MGA: variants seen among roughly 807,000 people sequenced by gnomAD.
The protein encoded by MGA is MAX gene-associated protein.
In MGA, 40 loss-of-function variants were observed where a neutral mutation model predicts 261.1. The observed-to-expected ratio is 0.15, with a 90% CI of 0.12 to 0.20. The LOEUF (loss-of-function observed/expected upper bound fraction) is 0.20, where lower values mean the gene tolerates loss of function less well. Among genes scored for constraint, MGA ranks in the 10% least tolerant of loss-of-function variants. MGA has a pLI of 1.00. For missense variants in MGA, 3,397 were observed against 3,630.5 expected (o/e 0.94, Z 1.65); for synonymous variants, 1,302 against 1,290.6 (o/e 1.01, Z -0.19).
rs377359568 is a variant in MGA at position 41,711,266 on chromosome 15, T to C, written c.3001T>C (p.Cys1001Arg). Residue 1001 changes from cysteine (C) to arginine (R), a missense_variant, in exon 8 of 24, where the codon TGT becomes CGT. Cys to Arg is a radical substitution (Grantham distance 180). This residue lies in a region of MGA where 519 missense variants were observed against 554.1 expected (regional missense o/e 0.94). Coordinates refer to ENST00000219905, the MANE Select transcript of MGA (RefSeq NM_001164273.2). ...GGTGAAGCTAATGGACCTGGAAGAC[T>C]GTGCACTTTGGGAAGGAAAACCAAG... The C allele has an allele frequency of 6.2e-7, 1 of 1,614,000 alleles. No homozygotes were observed. The highest frequency in any genetic ancestry group is 1.3e-5 in the African/African-American group (1 of 75,044).
At position 41,763,822 on chromosome 15, in the gene MGA, G is replaced by A. The variant is rs537888948; in HGVS notation, c.7745-1064G>A. 1.1e-4 allele frequency among the ~76,000 whole-genome samples: 17 copies of A among 152,266 alleles called. No individual in the cohort carries two copies. The East Asian group carries it at 2.9e-3, about 26-fold the overall frequency. On this transcript the variant is annotated intron_variant, in intron 22 of 23. Transcript: ENST00000219905. ...TCTTATTACCATCTTGATTTTGGAA[G>A]TAAAGTTATATTGATTTTATGTGTT...
intron 1 of MGA, among the ~76,000 whole-genome samples, chr15:41,653,458 C>A (rs2057108244): frequency 6.6e-6 from 1 of 151,554 alleles, no homozygotes. Context: ...GGTTAGATCA[C>A]AGCTAACAAT....
intron 1 of MGA, among the ~76,000 whole-genome samples, chr15:41,636,459 A>AT (rs1017999541): frequency 3.2e-3 from 284 of 87,402 alleles, no homozygotes; most frequent in Middle Eastern, 0.021. Flanking sequence ...TGCTTGGCTA[A>AT]TTTTTTTTTT....
At chr15:41,696,004 T>C in intron 2 of MGA, 71 bp from the exon 3 acceptor site, 1 of 1,140,802 alleles carries the variant, frequency 8.8e-7, no homozygotes, top group Non-Finnish European at 1.2e-6. Context: ...ATCTTTTTTT[T>C]TTTTTCTCTT....
At chr15:41,625,387 A>G (rs17733613) in intron 1 of MGA, among the ~76,000 whole-genome samples, 44,389 of 150,976 alleles carry the variant, frequency 0.29, 7,451 homozygotes, top group Admixed American at 0.38. Context: ...AAATTGTGAG[A>G]AAAAAAAAAT....
At position 41,696,987 on chromosome 15, in the gene MGA, T is replaced by A; in HGVS notation, c.1977T>A (p.Asp659Glu). 5 of 1,585,384 alleles carry A rather than the reference T, an allele frequency of 3.2e-6. No homozygotes were observed. The highest frequency in any genetic ancestry group is 4.3e-6 in the Non-Finnish European group (5 of 1,167,592). The change falls in exon 3 of 24, where the codon GAT becomes GAA. Residue 659 changes from aspartate (D) to glutamate (E), a missense_variant. By Grantham distance (45) the Asp-to-Glu change is conservative. Around this residue, in one of 9 missense-constraint regions of MGA, gnomAD observed 563 missense variants for 563.6 expected, o/e 1.00. Transcript: ENST00000219905. ...CAGATGTGAAGCCTGATCTGGAAGATGTGGATGGTGTTCTCTTTGTTTCCT... is the reference window on the plus strand; with the variant it reads ...CAGATGTGAAGCCTGATCTGGAAGAAGTGGATGGTGTTCTCTTTGTTTCCT...
chr15:41,736,342 A>G lies in MGA; in HGVS notation c.4078A>G (p.Asn1360Asp). Residue 1360 changes from asparagine to aspartate, a missense_variant, in exon 13 of 24, where the codon AAT becomes GAT. Asn to Asp is a conservative substitution (Grantham distance 23, BLOSUM62 1). Coordinates refer to ENST00000219905, the MANE Select transcript of MGA (RefSeq NM_001164273.2). ...TTTGAGCATCTTATCCCAGCACATC[A>G]ATAGCAACATGCCACAATCACTTAA... is the stretch of plus-strand genomic sequence containing the variant. 6.2e-7 allele frequency: 1 copy of G among 1,614,018 alleles called. No homozygotes were observed. Among genetic ancestry groups the G allele is most frequent in the Non-Finnish European group, 8.5e-7 (1 of 1,179,904 alleles).
chr15:41,679,124 C>T (rs1200233614), intron 2 of MGA, among the ~76,000 whole-genome samples: 1 of 150,570 alleles, frequency 6.6e-6, no homozygotes, highest in African/African-American at 2.4e-5. Flanking sequence ...CAACCTCCGC[C>T]TCCTGTGTTT....
In MGA at chr15:41,637,195, G is replaced by A. The variant is rs567224750; in HGVS notation, c.-68+15897G>A. Among the ~76,000 whole-genome samples, 9 of 152,288 alleles carry A rather than the reference G, an allele frequency of 5.9e-5. No homozygotes were observed. In the South Asian group the frequency reaches 1.7e-3, roughly 28 times the overall value. On this transcript the variant is annotated intron_variant, in intron 1 of 8. Coordinates refer to the MGA transcript ENST00000566718. ...ATGATAAGAGTGAGTATTGTTTTGGGCATAGTGGAAAGATTTGGGCAGTGA... is the reference window on the plus strand; with the variant it reads ...ATGATAAGAGTGAGTATTGTTTTGGACATAGTGGAAAGATTTGGGCAGTGA...
intron 22 of MGA, 100 bp downstream of exon 22, chr15:41,762,462 T>TTG (rs2063526823): frequency 6.1e-5 from 4 of 66,054 alleles, no homozygotes; most frequent in Admixed American, 5.2e-4. Context: ...TTTTGTGTGG[T>TTG]TTTTTTTTTT....
rs769068500 is a variant in MGA at position 41,742,723 on chromosome 15, A to G, written c.4763A>G (p.Gln1588Arg). ...CCTGTGGTTTCTTCTGAGCCAGTTC[A>G]GGTGTGCAGCCCTGTGACTGCTGCT... Residue 1588 changes from glutamine to arginine, a missense_variant, in exon 15 of 24, where the codon CAG (glutamine) becomes CGG (arginine). Physicochemically the swap from Gln to Arg is conservative, Grantham distance 43. Coordinates refer to ENST00000219905, the MANE Select transcript of MGA (RefSeq NM_001164273.2). The G allele has an allele frequency of 2.4e-5, 39 of 1,613,908 alleles. No homozygotes were observed. Among genetic ancestry groups the G allele is most frequent in the South Asian group, 1.6e-4 (15 of 91,088 alleles).
chr15:41,698,838 A>ATTT, intron 3 of MGA, 25 bp from the exon 4 acceptor site: 109 of 1,332,666 alleles, frequency 8.2e-5, no homozygotes, highest in South Asian at 2.4e-4. Context: ...ATGAACTACT[A>ATTT]TTTTTTTTTT....
chr15:41,737,066 A>G (rs2061820077), intron 13 of MGA, among the ~76,000 whole-genome samples: 1 of 152,234 alleles, frequency 6.6e-6, no homozygotes, highest in Non-Finnish European at 1.5e-5. Flanking sequence ...AGGTTTCAAA[A>G]CAAAACCATG....
chr15:41,664,326 A>G (rs1240584502), intron 1 of MGA, among the ~76,000 whole-genome samples: 2 of 152,254 alleles, frequency 1.3e-5, no homozygotes, highest in South Asian at 2.1e-4. Flanking sequence ...ATTTACTTCA[A>G]GTGCAGTCTG....
intron 2 of MGA, among the ~76,000 whole-genome samples, chr15:41,675,861 T>A (rs1490869396): frequency 6.6e-6 from 1 of 152,220 alleles, no homozygotes; most frequent in Non-Finnish European, 1.5e-5. Flanking sequence ...AAAATTATAC[T>A]CCTTTATGAT....
intron 9 of MGA, among the ~76,000 whole-genome samples, chr15:41,722,010 A>C (rs2060965945): frequency 6.6e-6 from 1 of 152,198 alleles, no homozygotes; most frequent in Non-Finnish European, 1.5e-5. Context: ...AATGAATTAC[A>C]ACTGTGTGTT....
At chr15:41,725,996 A>G (rs2061229188) in intron 9 of MGA, among the ~76,000 whole-genome samples, 1 of 152,208 alleles carries the variant, frequency 6.6e-6, no homozygotes, top group African/African-American at 2.4e-5. Flanking sequence ...AAAAATGCAT[A>G]TATTGGTCTA....
At chr15:41,627,381 T>A (rs1458624777) in intron 1 of MGA, among the ~76,000 whole-genome samples, 2 of 152,208 alleles carry the variant, frequency 1.3e-5, no homozygotes, top group Non-Finnish European at 2.9e-5. Flanking sequence ...TCTCACACTT[T>A]CCTTATTTTT....
intron 2 of MGA, among the ~76,000 whole-genome samples, chr15:41,694,681 CA>C (rs1362612600): frequency 6.6e-6 from 1 of 152,072 alleles, no homozygotes; most frequent in Non-Finnish European, 1.5e-5. Context: ...CGCCCGCCAC[CA>C]CGCCCAGCTG....
Sources: allele counts gnomAD v4.1 joint callset (sites outside exome capture counted in the v4.1 genomes callset), GRCh38; gene constraint gnomAD v4.1.1; regional missense constraint gnomAD v4.1.1; transcripts MANE v1.5; gene names NCBI Gene and HGNC (gene_info 2026-07-23, HGNC 2026-07-21).